Variants in ZBBX observed in about 807,000 individuals in gnomAD.
ZBBX encodes zinc finger B-box domain containing.
ZBBX carries 101 observed loss-of-function variants against 108.5 expected under a neutral mutation model. The ratio of observed to expected loss-of-function variants is 0.93; its 90% CI spans 0.79 to 1.10. The LOEUF (loss-of-function observed/expected upper bound fraction) is 1.10. Among genes scored for constraint, ZBBX ranks in the 50% least tolerant of loss-of-function variants. ZBBX has a pLI of 0.00. For missense variants in ZBBX, 1,009 were observed against 941.4 expected (o/e 1.07, Z -0.94); for synonymous variants, 356 against 323.4 (o/e 1.10, Z -1.08).
chr3:167,350,596 G>T, intron 8 of ZBBX, 81 bp from the exon 9 acceptor site: 1 of 989,060 alleles, frequency 1.0e-6, no homozygotes. Context: ...AAGATGTCTT[G>T]TTTTTTAATA....
chr3:167,192,360 C>A, the ZBBX span, among the ~76,000 whole-genome samples: 1 of 152,032 alleles, frequency 6.6e-6, no homozygotes, highest in Admixed American at 6.6e-5. Flanking sequence ...GACTTTATTT[C>A]TCTTTTTCAT....
intron 20 of ZBBX, among the ~76,000 whole-genome samples, chr3:167,248,308 C>T (rs4955767): frequency 0.37 from 56,294 of 152,114 alleles, 10,823 homozygotes; most frequent in Non-Finnish European, 0.43. Context: ...CTAATGGAAC[C>T]TTTCTTTCCC....
At chr3:167,380,569 G>T (rs1375910677), upstream of ZBBX, among the ~76,000 whole-genome samples, 3 of 152,100 alleles carry the variant, frequency 2.0e-5, no homozygotes, top group East Asian at 5.8e-4. Flanking sequence ...TGTCATATTT[G>T]ATTCTTCCTC....
At chr3:167,249,626 T>C (rs1047299970) in intron 20 of ZBBX, among the ~76,000 whole-genome samples, 1 of 152,166 alleles carries the variant, frequency 6.6e-6, no homozygotes, top group Non-Finnish European at 1.5e-5. Context: ...TTAAGGGGGA[T>C]CTTGGCAAGT....
chr3:167,308,828 C>T (rs1382469012), intron 16 of ZBBX, among the ~76,000 whole-genome samples: 1 of 151,984 alleles, frequency 6.6e-6, no homozygotes, highest in Non-Finnish European at 1.5e-5. Flanking sequence ...GGGAGAGGAG[C>T]AGGAAAAATC....
intron 10 of ZBBX, among the ~76,000 whole-genome samples, chr3:167,330,973 CCCCT>C (rs1738509417): frequency 6.7e-6 from 1 of 149,088 alleles, no homozygotes; most frequent in Admixed American, 6.7e-5. Context: ...CTCCCCCACT[CCCCT>C]TCTGTATGCA....
At chr3:167,323,807 G>A (rs918234038) in intron 11 of ZBBX, among the ~76,000 whole-genome samples, 11 of 152,006 alleles carry the variant, frequency 7.2e-5, no homozygotes, top group African/African-American at 1.2e-4. Flanking sequence ...TGGCTGAAAC[G>A]AAACCAGCCA....
At chr3:167,212,405 C>T in the ZBBX span, among the ~76,000 whole-genome samples, 6 of 152,178 alleles carry the variant, frequency 3.9e-5, no homozygotes, top group Non-Finnish European at 8.8e-5. Flanking sequence ...GAAAGCCTCT[C>T]TGCCACTGCC....
At chr3:167,347,999 T>G (rs984893454) in intron 9 of ZBBX, among the ~76,000 whole-genome samples, 2 of 152,016 alleles carry the variant, frequency 1.3e-5, no homozygotes, top group Admixed American at 1.3e-4. Context: ...ATGTAATCCA[T>G]GTATGCTAAC....
rs1237978968 is a variant in ZBBX at position 167,282,394 on chromosome 3, C to T, written c.2098G>A (p.Ala700Thr). The T allele has an allele frequency of 6.2e-7, 1 of 1,614,052 alleles. No individual in the cohort carries two copies. Among genetic ancestry groups the T allele is most frequent in the Non-Finnish European group, 8.5e-7 (1 of 1,179,996 alleles). Residue 700 changes from alanine to threonine, a missense_variant, in exon 20 of 22, where the codon GCA (alanine) becomes ACA (threonine). Coordinates refer to ENST00000675490, the MANE Select transcript of ZBBX (RefSeq NM_001199201.2). ...GCTCTAGATGATGATTGAGCAGCTG[C>T]ACTTCTTGATCGAGGATGAGAGGAT... ...LSSSHPRSRSAAAQSSSRAAS... is the reference protein window; with the variant it reads ...LSSSHPRSRSTAAQSSSRAAS...
the ZBBX span, among the ~76,000 whole-genome samples, chr3:167,197,040 G>A: frequency 6.6e-6 from 1 of 152,114 alleles, no homozygotes; most frequent in Admixed American, 6.6e-5. Context: ...TTGACATACG[G>A]TATATGAGCA....
intron 10 of ZBBX, among the ~76,000 whole-genome samples, chr3:167,329,913 C>T (rs1205012218): frequency 6.6e-6 from 1 of 152,158 alleles, no homozygotes; most frequent in African/African-American, 2.4e-5. Context: ...TAAAATGTTA[C>T]AGACATTTGC....
chr3:167,276,992 C>T (rs1727714623), intron 20 of ZBBX, among the ~76,000 whole-genome samples: 1 of 151,940 alleles, frequency 6.6e-6, no homozygotes, highest in African/African-American at 2.4e-5. Context: ...TCCAGCCAAA[C>T]TAAGCTTCAT....
chr3:167,287,951 G>A (rs1229099277), intron 19 of ZBBX, among the ~76,000 whole-genome samples: 2 of 152,082 alleles, frequency 1.3e-5, no homozygotes, highest in Admixed American at 6.5e-5. Context: ...CTTATATAGA[G>A]AGGCAAATCA....
the ZBBX span, among the ~76,000 whole-genome samples, chr3:167,192,623 G>T: frequency 6.6e-6 from 1 of 151,964 alleles, no homozygotes; most frequent in Non-Finnish European, 1.5e-5. Context: ...TTGCATTTTT[G>T]AGGTCATTTT....
At chr3:167,298,571 T>A in intron 17 of ZBBX, 113 bp from the exon 18 acceptor site, 1 of 746,690 alleles carries the variant, frequency 1.3e-6, no homozygotes, top group Non-Finnish European at 2.0e-6. Flanking sequence ...AATTCTTCCC[T>A]CATCAAGTTT....
At chr3:167,255,735 A>G (rs1486566118) in intron 20 of ZBBX, among the ~76,000 whole-genome samples, 2 of 152,088 alleles carry the variant, frequency 1.3e-5, no homozygotes, top group African/African-American at 4.8e-5. Flanking sequence ...ACAGGCATGC[A>G]ATGTGTGATA....
chr3:167,277,190 C>T (rs1344668826), intron 20 of ZBBX, among the ~76,000 whole-genome samples: 7 of 151,448 alleles, frequency 4.6e-5, no homozygotes, highest in African/African-American at 1.5e-4. Flanking sequence ...CATCAACTAA[C>T]GAGCAAAATA....
chr3:167,393,489 T>C (rs1243928987), intron 1 of ZBBX, among the ~76,000 whole-genome samples: 5 of 151,882 alleles, frequency 3.3e-5, no homozygotes, highest in Admixed American at 6.6e-5. Flanking sequence ...TGGGTTTATT[T>C]ATCAAAGAGT....
Sources: allele counts gnomAD v4.1 joint callset (sites outside exome capture counted in the v4.1 genomes callset), GRCh38; gene constraint gnomAD v4.1.1; transcripts MANE v1.5; gene names NCBI Gene and HGNC (gene_info 2026-07-23, HGNC 2026-07-21).